The following STPG2 variants were observed in gnomAD, a reference collection of about 807,000 sequenced individuals.
STPG2 encodes the protein sperm-tail PG-rich repeat-containing protein 2.
Under a neutral mutation model 54.2 loss-of-function variants are expected in STPG2, and 56 were observed. The ratio of observed to expected loss-of-function variants is 1.03; its 90% CI spans 0.83 to 1.29. The LOEUF (loss-of-function observed/expected upper bound fraction) is 1.29, where lower values mean the gene tolerates loss of function less well. STPG2 is among the 50% of genes most tolerant of loss of function. STPG2 has a pLI of 0.00. For missense variants in STPG2, 596 were observed against 544.9 expected (o/e 1.09, Z -0.93); for synonymous variants, 200 against 181.8 (o/e 1.10, Z -0.81).
intron 5 of STPG2, chr4:98,026,269 C>T: frequency 1.3e-6 from 1 of 793,978 alleles, no homozygotes. Context: ...GAGAGCTAAA[C>T]CAAACAATTT....
intron 4 of STPG2, among the ~76,000 whole-genome samples, chr4:97,459,485 G>C (rs1184646241): frequency 1.4e-5 from 2 of 148,110 alleles, no homozygotes; most frequent in Non-Finnish European, 3.0e-5. Context: ...TGTCGCCCAG[G>C]CTGGAGTGCA....
chr4:97,844,296 C>A (rs1728884201), intron 8 of STPG2, among the ~76,000 whole-genome samples: 1 of 151,934 alleles, frequency 6.6e-6, no homozygotes, highest in Non-Finnish European at 1.5e-5. Flanking sequence ...AGCATTCAAT[C>A]CCTAAATTGT....
chr4:97,885,980 A>G (rs1730552099), intron 8 of STPG2, among the ~76,000 whole-genome samples: 1 of 152,234 alleles, frequency 6.6e-6, no homozygotes, highest in Non-Finnish European at 1.5e-5. Flanking sequence ...ATTTTTCACA[A>G]TTAAAAAGAA....
intron 6 of STPG2, 127 bp downstream of exon 6, chr4:97,981,032 G>A: frequency 1.1e-6 from 1 of 928,912 alleles, no homozygotes; most frequent in African/African-American, 1.7e-5. Flanking sequence ...TTTAAAAAAT[G>A]TTGACTTAAA....
intron 8 of STPG2, among the ~76,000 whole-genome samples, chr4:97,934,200 G>A (rs1360446255): frequency 6.6e-6 from 1 of 152,110 alleles, no homozygotes; most frequent in African/African-American, 2.4e-5. Context: ...TGTGATTTTT[G>A]CACATTGATT....
chr4:97,538,895 C>A lies in STPG2; in HGVS notation c.462+173804G>T, dbSNP rs555233349. On this transcript the variant is annotated intron_variant, in intron 4 of 4. Transcript: ENST00000522676. Reference sequence around the variant, plus strand: ...AGAGTGGGGGCCAATATTCAACATTCTTAAAGAAAAGAATTTTCAACCCAG... The same window carrying A: ...AGAGTGGGGGCCAATATTCAACATTATTAAAGAAAAGAATTTTCAACCCAG... Among the ~76,000 whole-genome samples the A allele has an allele frequency of 9.1e-3, 1,387 of 152,234 alleles. 19 individuals are homozygous for A. The highest frequency in any genetic ancestry group is 0.031 in the African/African-American group (1,288 of 41,530).
intron 4 of STPG2, among the ~76,000 whole-genome samples, chr4:97,534,774 C>A (rs1453687033): frequency 1.3e-5 from 2 of 152,130 alleles, no homozygotes; most frequent in Non-Finnish European, 2.9e-5. Context: ...CTTTTACAAA[C>A]AACCCTTCTG....
In STPG2 at chr4:97,970,743, G is replaced by A. The variant is rs564556117; in HGVS notation, c.933+1537C>T. Reference sequence around the variant, plus strand: ...CCTAGGCAATACCATTCAGGACATAGGCATGGGCAAGGACTTCATGTCTAA... The same window carrying A: ...CCTAGGCAATACCATTCAGGACATAAGCATGGGCAAGGACTTCATGTCTAA... On this transcript the variant is annotated intron_variant, in intron 7 of 10. Coordinates refer to ENST00000295268, the MANE Select transcript of STPG2 (RefSeq NM_174952.3). 2.8e-3 allele frequency among the ~76,000 whole-genome samples: 431 copies of A among 152,270 alleles called. 1 individual carries two copies. Among genetic ancestry groups the A allele is most frequent in the Non-Finnish European group, 4.4e-3 (298 of 68,020 alleles).
chr4:97,676,934 C>G (rs577883524), intron 10 of STPG2, among the ~76,000 whole-genome samples: 1 of 152,238 alleles, frequency 6.6e-6, no homozygotes, highest in Admixed American at 6.5e-5. Context: ...TATCTTAGTA[C>G]TTTTATCAGA....
chr4:97,669,232 A>C (rs1196013711), intron 10 of STPG2, among the ~76,000 whole-genome samples: 1 of 152,142 alleles, frequency 6.6e-6, no homozygotes, highest in Non-Finnish European at 1.5e-5. Flanking sequence ...ATATATACTC[A>C]TGTATATTTT....
chr4:97,882,530 G>A (rs1238149997), intron 8 of STPG2, among the ~76,000 whole-genome samples: 1 of 152,112 alleles, frequency 6.6e-6, no homozygotes, highest in Non-Finnish European at 1.5e-5. Flanking sequence ...GATACCCAAG[G>A]TCATGGATCT....
intron 6 of STPG2, among the ~76,000 whole-genome samples, chr4:97,975,089 G>T (rs578211587): frequency 6.6e-6 from 1 of 152,236 alleles, no homozygotes; most frequent in Non-Finnish European, 1.5e-5. Context: ...ATTTAGAAAA[G>T]ATAAAATCAT....
chr4:97,916,932 T>C (rs1472803207), intron 8 of STPG2: 1 of 152,742 alleles, frequency 6.5e-6, no homozygotes, highest in Non-Finnish European at 1.5e-5. Flanking sequence ...TATGGGCCGA[T>C]GCTCAAGAGC....
At chr4:97,832,619 T>G (rs1365080110) in intron 9 of STPG2, among the ~76,000 whole-genome samples, 1 of 152,190 alleles carries the variant, frequency 6.6e-6, no homozygotes, top group Non-Finnish European at 1.5e-5. Context: ...AACCCCATCG[T>G]CTCAGCCCAA....
chr4:97,937,548 T>C (rs1448068353), intron 8 of STPG2, among the ~76,000 whole-genome samples: 1 of 152,172 alleles, frequency 6.6e-6, no homozygotes, highest in East Asian at 1.9e-4. Context: ...CTGCTGACCT[T>C]TGGATGAGGT....
At chr4:97,603,610 T>TAC (rs1229928396) in intron 10 of STPG2, among the ~76,000 whole-genome samples, 1 of 150,678 alleles carries the variant, frequency 6.6e-6, no homozygotes. Context: ...TCTATATATA[T>TAC]ACACACACAT....
intron 10 of STPG2, among the ~76,000 whole-genome samples, chr4:97,624,263 G>C (rs1560690647): frequency 6.6e-6 from 1 of 152,076 alleles, no homozygotes; most frequent in Non-Finnish European, 1.5e-5. Flanking sequence ...CCCACAATGT[G>C]AAAGCATTCC....
At chr4:97,797,747 G>C (rs1051782572) in intron 9 of STPG2, among the ~76,000 whole-genome samples, 18 of 152,144 alleles carry the variant, frequency 1.2e-4, no homozygotes, top group Admixed American at 1.2e-3. Flanking sequence ...GACTGGAATA[G>C]TTTCAGAAGG....
At chr4:97,596,981 T>C (rs180846649) in intron 10 of STPG2, among the ~76,000 whole-genome samples, 97 of 151,842 alleles carry the variant, frequency 6.4e-4, no homozygotes, top group African/African-American at 2.3e-3. Flanking sequence ...CAAGAGTTTG[T>C]TTTCATGAAA....
Sources: gnomAD v4.1 joint callset for allele counts (sites outside exome capture counted in the v4.1 genomes callset) on GRCh38, gnomAD v4.1.1 for gene constraint, MANE v1.5 for transcripts, NCBI Gene and HGNC (gene_info 2026-07-23, HGNC 2026-07-21) for gene names.